The following COL14A1 variants were observed in gnomAD, a reference collection of about 807,000 sequenced individuals.
COL14A1 encodes the protein collagen type XIV alpha 1 chain.
A neutral mutation model predicts 230.3 loss-of-function variants in COL14A1; 136 were observed. That is an observed-to-expected ratio of 0.59 (90% CI 0.51 to 0.68). The LOEUF is 0.68. Ranked by LOEUF, COL14A1 falls within the 30% of genes least tolerant of loss-of-function variation. The pLI is 0.00. For synonymous variants in COL14A1, 792 were observed against 784.1 expected, an observed-to-expected ratio of 1.01 and a Z score of -0.17; for missense variants, 1,976 against 2,215.8, an observed-to-expected ratio of 0.89 and a Z score of 2.17.
chr8:120,353,528 T>C (rs555780282), intron 45 of COL14A1, among the ~76,000 whole-genome samples: 161 of 147,752 alleles, frequency 1.1e-3, no homozygotes, highest in Non-Finnish European at 1.5e-4. Flanking sequence ...TACAATGAAC[T>C]CAAACAAATT....
At chr8:120,168,633 A>G (rs1221450473) in intron 5 of COL14A1, among the ~76,000 whole-genome samples, 1 of 152,188 alleles carries the variant, frequency 6.6e-6, no homozygotes. Flanking sequence ...ATCTTATACT[A>G]GTTATCCGAA....
At chr8:120,167,711 G>A (rs563302261) in intron 4 of COL14A1, among the ~76,000 whole-genome samples, 53 of 152,278 alleles carry the variant, frequency 3.5e-4, no homozygotes, top group Non-Finnish European at 2.9e-5. Context: ...AATTCCAAAT[G>A]AGGCTATTCA....
chr8:120,316,336 A>G (rs1419944286), intron 40 of COL14A1, among the ~76,000 whole-genome samples: 1 of 149,500 alleles, frequency 6.7e-6, no homozygotes, highest in Admixed American at 6.6e-5. Flanking sequence ...AAGGAAATAA[A>G]GAACCATATG....
chr8:120,335,924 A>G (rs1822051973), intron 42 of COL14A1, among the ~76,000 whole-genome samples: 1 of 152,220 alleles, frequency 6.6e-6, no homozygotes. Flanking sequence ...GTATTGCATT[A>G]GAAGTCAGGA....
intron 45 of COL14A1, among the ~76,000 whole-genome samples, chr8:120,359,591 A>G (rs1374966123): frequency 6.6e-6 from 1 of 152,224 alleles, no homozygotes; most frequent in African/African-American, 2.4e-5. Flanking sequence ...TGAATAATTT[A>G]TAATTTTCTT....
rs888461157 is a variant in COL14A1 at position 120,135,730 on chromosome 8, T to TA, written c.-38+10392dup. On this transcript the variant is annotated intron_variant, in intron 1 of 47. Transcript: ENST00000297848. Reference sequence around the variant, plus strand: ...TTCTAACAGAGTACTTTTTTTTTTTTAACCCATGAACATGGTGCACTGCTC... The same window carrying TA: ...TTCTAACAGAGTACTTTTTTTTTTTTAAACCCATGAACATGGTGCACTGCTC... Among the ~76,000 whole-genome samples, 10 of 152,054 alleles carry TA rather than the reference T, an allele frequency of 6.6e-5. No homozygotes were observed. In the South Asian group the frequency reaches 1.9e-3, roughly 28 times the overall value.
At chr8:120,263,648 T>C (rs183515383) in intron 24 of COL14A1, among the ~76,000 whole-genome samples, 1 of 152,310 alleles carries the variant, frequency 6.6e-6, no homozygotes, top group East Asian at 1.9e-4. Flanking sequence ...TGCAGTGAAT[T>C]CTGGGGGACA....
At chr8:120,249,163 C>G (rs559597373) in intron 21 of COL14A1, among the ~76,000 whole-genome samples, 17 of 151,196 alleles carry the variant, frequency 1.1e-4, no homozygotes, top group Non-Finnish European at 2.2e-4. Flanking sequence ...CGTGATCCAC[C>G]CGCCTCGGCC....
At chr8:120,137,958 T>C (rs1401605364) in intron 1 of COL14A1, among the ~76,000 whole-genome samples, 1 of 151,932 alleles carries the variant, frequency 6.6e-6, no homozygotes, top group Non-Finnish European at 1.5e-5. Flanking sequence ...ACAGAGTATG[T>C]TTTTCAATCT....
At chr8:120,291,017 C>T (rs1366194135) in intron 34 of COL14A1, among the ~76,000 whole-genome samples, 6 of 152,162 alleles carry the variant, frequency 3.9e-5, no homozygotes, top group Admixed American at 3.9e-4. Context: ...ATGGAAGGCT[C>T]TCTTGTTCTC....
Position 120,298,638 on chromosome 8 carries a change from T to TATATATAC in COL14A1, c.4314+1051_4314+1052insTATATACA, listed in dbSNP as rs398009611. Among the ~76,000 whole-genome samples the TATATATAC allele has an allele frequency of 7.6e-3, 899 of 118,708 alleles. 21 individuals are homozygous for TATATATAC. Among genetic ancestry groups the TATATATAC allele is most frequent in the Non-Finnish European group, 0.011 (606 of 56,630 alleles). The allele number at this position is 118,708 out of a possible 152,430, so 77.9% of individuals were successfully genotyped here. On this transcript the variant is annotated intron_variant, in intron 35 of 47. Coordinates refer to ENST00000297848, the MANE Select transcript of COL14A1 (RefSeq NM_021110.4). Reference sequence around the variant, plus strand: ...ATATATATATATATATATATATATATACAAAAATACAGATTTATATCTTAG... The same window carrying TATATATAC: ...ATATATATATATATATATATATATATATATATACACAAAAATACAGATTTATATCTTAG...
At chr8:120,283,891 G>A (rs1039902573) in intron 32 of COL14A1, 113 bp downstream of exon 32, 9 of 730,734 alleles carry the variant, frequency 1.2e-5, no homozygotes, top group Non-Finnish European at 1.9e-5. Context: ...CTTATGTGAT[G>A]TGTAAATACT....
chr8:120,233,677 A>G (rs1018288407), intron 19 of COL14A1, among the ~76,000 whole-genome samples: 4 of 151,960 alleles, frequency 2.6e-5, no homozygotes, highest in African/African-American at 4.8e-5. Flanking sequence ...ATTGGTTTAT[A>G]TATCTGTTTT....
intron 5 of COL14A1, among the ~76,000 whole-genome samples, chr8:120,187,767 G>A (rs1270724951): frequency 1.3e-5 from 2 of 152,190 alleles, no homozygotes. Flanking sequence ...ATTAGCTGTG[G>A]ACACAGCAGG....
chr8:120,265,211 T>C (rs562014984), intron 24 of COL14A1, among the ~76,000 whole-genome samples: 1 of 152,276 alleles, frequency 6.6e-6, no homozygotes, highest in African/African-American at 2.4e-5. Flanking sequence ...CCCAATCGTA[T>C]TAATCTGGCT....
At chr8:120,287,180 A>G (rs894636674) in intron 33 of COL14A1, among the ~76,000 whole-genome samples, 1 of 152,088 alleles carries the variant, frequency 6.6e-6, no homozygotes, top group Non-Finnish European at 1.5e-5. Context: ...TGAATATCGT[A>G]ATTGCATACC....
intron 24 of COL14A1, among the ~76,000 whole-genome samples, chr8:120,266,411 G>A (rs1819501732): frequency 6.6e-6 from 1 of 152,060 alleles, no homozygotes; most frequent in Non-Finnish European, 1.5e-5. Flanking sequence ...GGGGATGCAG[G>A]ATGGAAAGGG....
chr8:120,315,199 G>A (rs900762825), intron 38 of COL14A1, among the ~76,000 whole-genome samples: 1 of 151,726 alleles, frequency 6.6e-6, no homozygotes, highest in Non-Finnish European at 1.5e-5. Flanking sequence ...ATGAAACCCC[G>A]TCTCTACTAA....
chr8:120,363,334 C>T (rs927771177), intron 45 of COL14A1, among the ~76,000 whole-genome samples: 1 of 152,052 alleles, frequency 6.6e-6, no homozygotes, highest in Non-Finnish European at 1.5e-5. Flanking sequence ...GAACAGAAAA[C>T]CAAACACCAC....
Sources: allele counts gnomAD v4.1 joint callset (sites outside exome capture counted in the v4.1 genomes callset), GRCh38; gene constraint gnomAD v4.1.1; transcripts MANE v1.5; gene names NCBI Gene and HGNC (gene_info 2026-07-23, HGNC 2026-07-21).